WDR88: variants seen among roughly 807,000 people sequenced by gnomAD.
WDR88 encodes WD repeat-containing protein 88.
A neutral mutation model predicts 46.8 loss-of-function variants in WDR88; 40 were observed. The observed-to-expected ratio is 0.86, with a 90% CI of 0.66 to 1.11. The LOEUF is 1.11. Among genes scored for constraint, WDR88 ranks in the 50% most tolerant of loss-of-function variants. The pLI is 0.00. For missense variants in WDR88, 562 were observed against 602.4 expected, an observed-to-expected ratio of 0.93 and a Z score of 0.70; for synonymous variants, 235 against 240.7, an observed-to-expected ratio of 0.98 and a Z score of 0.22.
intron 6 of WDR88, among the ~76,000 whole-genome samples, chr19:33,155,442 A>G (rs1198313846): frequency 6.6e-6 from 1 of 152,162 alleles, no homozygotes; most frequent in Non-Finnish European, 1.5e-5. Flanking sequence ...CACCCAGCCA[A>G]ATAACCCACA....
At chr19:33,156,587 T>C in intron 7 of WDR88, 45 bp downstream of exon 7, 1 of 1,578,934 alleles carries the variant, frequency 6.3e-7, no homozygotes, top group Non-Finnish European at 8.6e-7. Flanking sequence ...GTGGGAGTGC[T>C]GGGCAGAGTT....
intron 3 of WDR88, among the ~76,000 whole-genome samples, chr19:33,146,874 T>A (rs1216193479): frequency 2.0e-5 from 3 of 152,086 alleles, no homozygotes; most frequent in Non-Finnish European, 2.9e-5. Context: ...GATGGAGCAG[T>A]CTTTTAAAGA....
At chr19:33,135,008 G>A (rs1487734618) in intron 1 of WDR88, among the ~76,000 whole-genome samples, 1 of 138,996 alleles carries the variant, frequency 7.2e-6, no homozygotes, top group Non-Finnish European at 1.6e-5. Flanking sequence ...CCACACTTCC[G>A]CAGCTCAACC....
Position 33,132,223 on chromosome 19 carries a change from G to A in WDR88, c.54G>A (p.Leu18=). The part of the protein sequence containing the change: ...SPTAHDRECK[L]PPPSAPASEY... ...CAGCCCATGACAGGGAATGCAAGTT[G>A]CCGCCACCCTCCGCCCCCGCCAGCG... Residue 18 remains leucine, a synonymous_variant, in exon 1 of 11, where the codon TTG becomes TTA. Transcript: ENST00000355868. The A allele has an allele frequency of 1.2e-6, 2 of 1,609,690 alleles. No individual in the cohort carries two copies. The highest frequency in any genetic ancestry group is 8.5e-7 in the Non-Finnish European group (1 of 1,179,692).
At chr19:33,157,540 T>C (rs1973762908) in intron 7 of WDR88, among the ~76,000 whole-genome samples, 13 of 110,508 alleles carry the variant, frequency 1.2e-4, no homozygotes, top group Admixed American at 1.1e-3. Flanking sequence ...TATATATATA[T>C]GTATATATAT....
chr19:33,148,606 C>T (rs547281100), intron 4 of WDR88, among the ~76,000 whole-genome samples, 166 bp from the exon 5 acceptor site: 3 of 152,144 alleles, frequency 2.0e-5, no homozygotes, highest in African/African-American at 7.2e-5. Context: ...ACACCTGGCT[C>T]ATGTTTTACT....
rs139312409 is a variant in WDR88 at position 33,147,734 on chromosome 19, G to A, written c.540+26G>A. 11,543 of 1,611,110 alleles carry A rather than the reference G, an allele frequency of 7.2e-3. 47 individuals carry two copies. The highest frequency in any genetic ancestry group is 8.5e-3 in the Non-Finnish European group (10,014 of 1,178,104). On this transcript the variant is annotated intron_variant, in intron 4 of 10. Transcript: ENST00000355868. The stretch of plus-strand genomic sequence containing the variant: ...GTACGTATGCCTGTCCAGTGGGGGC[G>A]TTGGTTGCAGCCCAGGGGCTTGACC...
intron 1 of WDR88, among the ~76,000 whole-genome samples, chr19:33,135,056 T>TG (rs922291230): frequency 0.022 from 440 of 19,648 alleles, 2 homozygotes; most frequent in Non-Finnish European, 0.084. Context: ...GGTGGGTGGG[T>TG]GGGGGGGGTG....
At chr19:33,170,869 G>GA (rs1974027296) in intron 9 of WDR88, among the ~76,000 whole-genome samples, 1 of 151,608 alleles carries the variant, frequency 6.6e-6, no homozygotes, top group East Asian at 1.9e-4. Flanking sequence ...CTTAAAAAAA[G>GA]AGAAAAAAAG....
In WDR88 at chr19:33,175,440, C is replaced by A; in HGVS notation, c.1287C>A (p.Thr429=). 1 of 1,614,152 alleles carries A rather than the reference C, an allele frequency of 6.2e-7. No homozygotes were observed. The highest frequency in any genetic ancestry group is 2.2e-5 in the East Asian group (1 of 44,882). ...CTTTCTCCATCTTCAAGAGTGACAC[C>A]TCTTCTGAAATGTTCACCCAATGCG... ...DRPFSIFKSD[T]SSEMFTQCVF... The change falls in exon 11 of 11, where the codon ACC becomes ACA. Residue 429 remains threonine (T), a synonymous_variant. Coordinates refer to ENST00000355868, the MANE Select transcript of WDR88 (RefSeq NM_173479.4).
chr19:33,144,030 G>T (rs1036381158), intron 2 of WDR88, among the ~76,000 whole-genome samples: 3 of 152,070 alleles, frequency 2.0e-5, no homozygotes, highest in African/African-American at 7.2e-5. Flanking sequence ...AGTGTGGAGG[G>T]AGTGGGCCGA....
At chr19:33,166,023 G>T (rs557174850) in intron 9 of WDR88, among the ~76,000 whole-genome samples, 1 of 152,186 alleles carries the variant, frequency 6.6e-6, no homozygotes, top group Admixed American at 6.5e-5. Flanking sequence ...ACTTTGGGAG[G>T]TTAAGGTGGG....
At position 33,146,186 on chromosome 19, in the gene WDR88, A is replaced by G. The variant is rs536079986; in HGVS notation, c.476+1254A>G. Among the ~76,000 whole-genome samples, 94 of 152,304 alleles carry G rather than the reference A, an allele frequency of 6.2e-4. 1 individual carries two copies. Among genetic ancestry groups the G allele is most frequent in the Admixed American group, 4.7e-3 (72 of 15,294 alleles). ...GTGGCACATGCCTGTAATCCCAGCT[A>G]CTCGGAGGCTTAGGCAGGAGAATTG... On this transcript the variant is annotated intron_variant, in intron 3 of 10. Coordinates refer to ENST00000355868, the MANE Select transcript of WDR88 (RefSeq NM_173479.4).
At chr19:33,151,349 G>A in intron 6 of WDR88, 39 bp downstream of exon 6, 1 of 1,599,058 alleles carries the variant, frequency 6.3e-7, no homozygotes, top group Non-Finnish European at 8.5e-7. Flanking sequence ...GAGTTTGGGT[G>A]GGGCGTCCCC....
intron 8 of WDR88, among the ~76,000 whole-genome samples, chr19:33,160,955 T>TTG: frequency 6.6e-6 from 1 of 152,060 alleles, no homozygotes; most frequent in African/African-American, 2.4e-5. Flanking sequence ...GCGGATCACC[T>TTG]GAGGTCAGGA....
intron 6 of WDR88, 92 bp from the exon 7 acceptor site, chr19:33,156,263 C>A: frequency 7.4e-7 from 1 of 1,353,702 alleles, no homozygotes; most frequent in Non-Finnish European, 1.0e-6. Flanking sequence ...CGACCATGAG[C>A]TCACAGGAGA....
At chr19:33,132,714 C>T (rs998914271) in intron 1 of WDR88, among the ~76,000 whole-genome samples, 8 of 152,232 alleles carry the variant, frequency 5.3e-5, no homozygotes, top group African/African-American at 1.9e-4. Context: ...TCTGCCCCAC[C>T]ATGTGACCCC....
intron 2 of WDR88, among the ~76,000 whole-genome samples, chr19:33,138,815 T>C (rs1034710172): frequency 1.3e-5 from 2 of 151,866 alleles, no homozygotes; most frequent in Non-Finnish European, 2.9e-5. Context: ...CCCTAGTAGC[T>C]GGGACTACAG....
At chr19:33,132,654 C>T (rs1034857041) in intron 1 of WDR88, among the ~76,000 whole-genome samples, 8 of 152,024 alleles carry the variant, frequency 5.3e-5, no homozygotes, top group African/African-American at 1.9e-4. Flanking sequence ...GGCGGGGGCT[C>T]CCCGCACTGC....
Sources: allele counts gnomAD v4.1 joint callset (sites outside exome capture counted in the v4.1 genomes callset), GRCh38; gene constraint gnomAD v4.1.1; transcripts MANE v1.5; gene names NCBI Gene and HGNC (gene_info 2026-07-23, HGNC 2026-07-21).